Variants in ZNF454 observed in about 807,000 individuals in gnomAD.
The protein encoded by ZNF454 is zinc finger protein 454.
In ZNF454, 30 loss-of-function variants were observed where a neutral mutation model predicts 48.2. That is an observed-to-expected ratio of 0.62 (90% CI 0.47 to 0.84). The LOEUF (loss-of-function observed/expected upper bound fraction) is 0.84, where lower values mean the gene tolerates loss of function less well. ZNF454 is among the 40% of genes least tolerant of loss of function. ZNF454 has a pLI of 0.00. For missense variants in ZNF454, 510 were observed against 623.1 expected, an observed-to-expected ratio of 0.82 and a Z score of 1.93; for synonymous variants, 204 against 211.4, an observed-to-expected ratio of 0.97 and a Z score of 0.30.
chr5:178,975,012 C>G, the ZNF454 span, among the ~76,000 whole-genome samples: 1 of 152,168 alleles, frequency 6.6e-6, no homozygotes, highest in Non-Finnish European at 1.5e-5. Flanking sequence ...AACGACACAT[C>G]AAAAGATGTT....
At chr5:178,969,290 C>A, downstream of ZNF454, 1 of 377,164 alleles carries the variant, frequency 2.7e-6, no homozygotes, top group Non-Finnish European at 5.3e-6. Context: ...TTCTGAGGAC[C>A]CTGCAGTAAG....
rs559405534 is a variant in ZNF454 at position 178,965,394 on chromosome 5, C to T, written c.990C>T (p.Cys330=). The change falls in exon 5 of 5, where the codon TGC becomes TGT. Residue 330 remains cysteine, a synonymous_variant. Transcript: ENST00000519564. This position sits in a 1 kb window ranked among gnomAD's most constrained non-coding sequence, Gnocchi z 5.2. ...ACAGTGGAGAGAAACCCTATAAATG[C>T]AATGAATGTGGAAAAGCCTTTAATC... The part of the protein sequence containing the change: ...NIHSGEKPYK[C]NECGKAFNQS... The T allele has an allele frequency of 9.3e-6, 15 of 1,614,058 alleles. No homozygotes were observed. In the South Asian group the frequency reaches 1.5e-4, roughly 17 times the overall value.
chr5:178,947,247 A>C (rs1759377512), intron 4 of ZNF454, among the ~76,000 whole-genome samples: 1 of 152,022 alleles, frequency 6.6e-6, no homozygotes, highest in Non-Finnish European at 1.5e-5. Flanking sequence ...TCTAGAAAAG[A>C]CTCAACTTCA....
chr5:178,946,053 G>T lies in ZNF454; in HGVS notation c.34-306G>T, dbSNP rs1759317884. On this transcript the variant is annotated intron_variant, in intron 2 of 4. Coordinates refer to ENST00000519564, the MANE Select transcript of ZNF454 (RefSeq NM_001178089.3). The surrounding 1 kb of genome is among the most constrained non-coding windows in gnomAD (Gnocchi z 4.5). Reference sequence around the variant, plus strand: ...CCCCTGGGGTGAGCGGAGAGGCAGGGCTAGGCGGTTTGAGGGAGATGGAGA... The same window carrying T: ...CCCCTGGGGTGAGCGGAGAGGCAGGTCTAGGCGGTTTGAGGGAGATGGAGA... 6.6e-6 allele frequency among the ~76,000 whole-genome samples: 1 copy of T among 152,102 alleles called. No individual in the cohort carries two copies. The highest frequency in any genetic ancestry group is 2.4e-5 in the African/African-American group (1 of 41,396).
At chr5:178,987,918 C>CCA in the ZNF454 span, among the ~76,000 whole-genome samples, 5 of 1,876 alleles carry the variant, frequency 2.7e-3, no homozygotes, top group South Asian at 0.5. Context: ...CGTCGCCATG[C>CCA]CCAGCTAATT....
chr5:178,972,651 T>A, the ZNF454 span, among the ~76,000 whole-genome samples: 1 of 152,136 alleles, frequency 6.6e-6, no homozygotes, highest in Non-Finnish European at 1.5e-5. Context: ...AAACCACAGA[T>A]GACCCCAGGC....
the ZNF454 span, among the ~76,000 whole-genome samples, chr5:178,972,911 A>G: frequency 6.6e-6 from 1 of 151,798 alleles, no homozygotes; most frequent in East Asian, 1.9e-4. Flanking sequence ...TACTCCCAAG[A>G]TCCAGTTTCT....
At chr5:178,955,050 G>T (rs115096647) in intron 4 of ZNF454, among the ~76,000 whole-genome samples, 165 of 152,244 alleles carry the variant, frequency 1.1e-3, no homozygotes, top group South Asian at 6.0e-3. Context: ...TTTTTTTGTG[G>T]GCATATGTTC....
At chr5:178,960,324 C>G (rs1170329546) in intron 4 of ZNF454, among the ~76,000 whole-genome samples, 1 of 149,922 alleles carries the variant, frequency 6.7e-6, no homozygotes, top group Non-Finnish European at 1.5e-5. Flanking sequence ...ATGGAAAGAT[C>G]TTGGCTCACT....
At chr5:178,950,071 C>T (rs1759492673) in intron 4 of ZNF454, among the ~76,000 whole-genome samples, 1 of 151,468 alleles carries the variant, frequency 6.6e-6, no homozygotes, top group African/African-American at 2.4e-5. Flanking sequence ...CAAGGTCTCA[C>T]TATGTTGCCC....
At chr5:178,958,973 G>A (rs1759888059) in intron 4 of ZNF454, among the ~76,000 whole-genome samples, 1 of 151,698 alleles carries the variant, frequency 6.6e-6, no homozygotes, top group African/African-American at 2.4e-5. Context: ...GATGTCATCT[G>A]ATAAATAGAA....
Position 178,965,349 on chromosome 5 carries a change from T to A in ZNF454, c.945T>A (p.Leu315=). The A allele has an allele frequency of 6.2e-7, 1 of 1,614,202 alleles. No homozygotes were observed. Among genetic ancestry groups the A allele is most frequent in the Non-Finnish European group, 8.5e-7 (1 of 1,180,038 alleles). Residue 315 remains leucine, a synonymous_variant, in exon 5 of 5, where the codon CTT becomes CTA. Coordinates refer to ENST00000519564, the MANE Select transcript of ZNF454 (RefSeq NM_001178089.3). This position sits in a 1 kb window ranked among gnomAD's most constrained non-coding sequence, Gnocchi z 5.2. The part of the protein sequence containing the change: ...CEKAFVCRAH[L]TKHQNIHSGE... ...AAGCCTTTGTGTGCAGGGCACACCT[T>A]ACCAAACACCAGAATATCCACAGTG...
chr5:178,985,608 C>G, the ZNF454 span: 13 of 352,286 alleles, frequency 3.7e-5, no homozygotes, highest in African/African-American at 2.9e-4. Flanking sequence ...GAGGCTGAGG[C>G]AGGAGAATGG....
At chr5:178,942,114 T>G (rs1390559291) in intron 1 of ZNF454, among the ~76,000 whole-genome samples, 1 of 151,970 alleles carries the variant, frequency 6.6e-6, no homozygotes, top group African/African-American at 2.4e-5. Context: ...GTTAAAGAGA[T>G]AATTCTCGGC....
intron 2 of ZNF454, 78 bp downstream of exon 2, chr5:178,942,902 CT>C: frequency 6.6e-7 from 1 of 1,525,228 alleles, no homozygotes. Context: ...AGACCGGGAG[CT>C]TTATTCCCAA....
In ZNF454 at chr5:178,964,793, G is replaced by A; in HGVS notation, c.389G>A (p.Cys130Tyr). 2 of 1,614,228 alleles carry A rather than the reference G, an allele frequency of 1.2e-6. No homozygotes were observed. The highest frequency in any genetic ancestry group is 1.7e-6 in the Non-Finnish European group (2 of 1,180,044). The change falls in exon 5 of 5, where the codon TGT becomes TAT. Residue 130 changes from cysteine (C) to tyrosine (Y), a missense_variant. Physicochemically the swap from Cys to Tyr is radical, Grantham distance 194. Around this residue, in one of 3 missense-constraint regions of ZNF454, gnomAD observed 354 missense variants for 408.9 expected, o/e 0.87. Coordinates refer to ENST00000519564, the MANE Select transcript of ZNF454 (RefSeq NM_001178089.3). ...WKCASLLEWQCGGQEISLQRV... is the reference protein window; with the variant it reads ...WKCASLLEWQYGGQEISLQRV... The stretch of plus-strand genomic sequence containing the variant: ...TGTGCTAGCCTGCTGGAGTGGCAAT[G>A]TGGAGGCCAGGAGATCAGTTTGCAG...
chr5:178,962,019 A>T (rs774340061), intron 4 of ZNF454, among the ~76,000 whole-genome samples: 1 of 151,330 alleles, frequency 6.6e-6, no homozygotes, highest in Admixed American at 6.6e-5. Flanking sequence ...ACATGGAATT[A>T]TTTTTCTTCT....
At chr5:178,942,459 G>A (rs1350974409) in intron 1 of ZNF454, 3 of 286,892 alleles carry the variant, frequency 1.0e-5, no homozygotes, top group Non-Finnish European at 1.9e-5. Context: ...AGGCTGAAGG[G>A]AAAGACCAGA....
chr5:178,983,871 G>C, the ZNF454 span, among the ~76,000 whole-genome samples: 1 of 152,206 alleles, frequency 6.6e-6, no homozygotes, highest in African/African-American at 2.4e-5. Flanking sequence ...ACCCTGGAAG[G>C]GCTGCCCCAC....
Sources: allele counts gnomAD v4.1 joint callset (sites outside exome capture counted in the v4.1 genomes callset), GRCh38; gene constraint gnomAD v4.1.1; regional missense constraint gnomAD v4.1.1; non-coding constraint Gnocchi (gnomAD v3.1); transcripts MANE v1.5; gene names NCBI Gene and HGNC (gene_info 2026-07-23, HGNC 2026-07-21).